Variants in GRIK1 observed in about 807,000 individuals in gnomAD.
The protein encoded by GRIK1 is glutamate receptor ionotropic, kainate 1.
Under a neutral mutation model 105.7 loss-of-function variants are expected in GRIK1, and 69 were observed. That is an observed-to-expected ratio of 0.65 (90% confidence interval 0.54 to 0.80). The LOEUF (loss-of-function observed/expected upper bound fraction) is 0.80, where lower values mean the gene tolerates loss of function less well. Ranked by LOEUF, GRIK1 falls within the 30% of genes least tolerant of loss-of-function variation. The pLI is 0.00. For synonymous variants in GRIK1, 438 were observed against 431.3 expected (o/e 1.02, Z -0.19); for missense variants, 1,109 against 1,167.3 (o/e 0.95, Z 0.73).
chr21:29,594,820 C>T lies in GRIK1; in HGVS notation c.1251+1706G>A, dbSNP rs566998835. Among the ~76,000 whole-genome samples, 17 of 152,166 alleles carry T rather than the reference C, an allele frequency of 1.1e-4. No individual in the cohort carries two copies. The South Asian group carries it at 1.5e-3, about 13-fold the overall frequency. On this transcript the variant is annotated intron_variant, in intron 9 of 17. Transcript: ENST00000327783. ...AAAGGTATATGTGTTTCCTGTATTA[C>T]GAACCTTATATAACAAATATTTTAG...
At chr21:29,605,979 C>T (rs2061605876) in intron 7 of GRIK1, among the ~76,000 whole-genome samples, 1 of 147,584 alleles carries the variant, frequency 6.8e-6, no homozygotes, top group African/African-American at 2.5e-5. Context: ...AGTGACTATT[C>T]TATTTTTTAA....
Position 29,651,194 on chromosome 21 carries a change from A to C in GRIK1, c.878T>G (p.Ile293Ser). The change falls in exon 6 of 18, where the codon ATC (isoleucine) becomes AGC (serine). Residue 293 changes from isoleucine to serine, a missense_variant. Physicochemically the swap from Ile to Ser is moderately radical, Grantham distance 142 (BLOSUM62 -2). This residue lies in a region of GRIK1 where 612 missense variants were observed against 586.0 expected (regional missense o/e 1.04). Coordinates refer to ENST00000327783, the MANE Select transcript of GRIK1 (RefSeq NM_001330994.2). ...TCTCTCCATGGACCACTTCTCAATG[A>C]TGGATGACACGTGAGGGTTGTCAAT... The part of the protein sequence containing the change: ...LNIDNPHVSS[I>S]IEKWSMERLQ... 1 of 1,613,880 alleles carries C rather than the reference A, an allele frequency of 6.2e-7. No homozygotes were observed. Among genetic ancestry groups the C allele is most frequent in the South Asian group, 1.1e-5 (1 of 91,082 alleles).
Position 29,733,058 on chromosome 21 carries a change from G to A in GRIK1, c.119-38995C>T, listed in dbSNP as rs191975776. On this transcript the variant is annotated intron_variant, in intron 1 of 17. Transcript: ENST00000327783. ...AATTTATGTTTTACTTCTACAGGCG[G>A]TTACATTTTGACTGAGGGAGATGCT... 4.6e-5 allele frequency among the ~76,000 whole-genome samples: 7 copies of A among 151,580 alleles called. No individual in the cohort carries two copies. In the East Asian group the frequency reaches 9.8e-4, roughly 21 times the overall value.
At chr21:29,759,409 C>T (rs1394813486) in intron 1 of GRIK1, among the ~76,000 whole-genome samples, 1 of 152,180 alleles carries the variant, frequency 6.6e-6, no homozygotes, top group African/African-American at 2.4e-5. Context: ...TGAGACACCA[C>T]GCCCTGCCCA....
chr21:29,781,159 C>G (rs1335733671), intron 1 of GRIK1, among the ~76,000 whole-genome samples: 2 of 152,138 alleles, frequency 1.3e-5, no homozygotes, highest in African/African-American at 4.8e-5. Flanking sequence ...TACACAAACC[C>G]TTTTCACAGA....
chr21:29,816,171 A>G (rs189781273), intron 1 of GRIK1, among the ~76,000 whole-genome samples: 4 of 152,176 alleles, frequency 2.6e-5, no homozygotes, highest in Non-Finnish European at 5.9e-5. Flanking sequence ...AGACAGACAA[A>G]CGGCCAACAG....
At chr21:29,564,713 A>G (rs1159805428) in intron 14 of GRIK1, among the ~76,000 whole-genome samples, 1 of 152,178 alleles carries the variant, frequency 6.6e-6, no homozygotes, top group Non-Finnish European at 1.5e-5. Context: ...CATGGGACGA[A>G]TATGTAGGTC....
chr21:29,694,057 A>G lies in GRIK1; in HGVS notation c.125T>C (p.Ile42Thr), dbSNP rs1173077179. 2 of 1,609,916 alleles carry G rather than the reference A, an allele frequency of 1.2e-6. No homozygotes were observed. Among genetic ancestry groups the G allele is most frequent in the Non-Finnish European group, 1.7e-6 (2 of 1,176,992 alleles). ...AGGCTCATTTTCCACTGTTTCAAAA[A>G]TCCCTCCTGCAGAAGCAAAAGAGAT... is the stretch of plus-strand genomic sequence containing the variant. ...TAPQVLRIGG[I>T]FETVENEPVN... is the part of the protein sequence containing the mutation. The change falls in exon 2 of 18, where the codon ATT becomes ACT. Residue 42 changes from isoleucine (I) to threonine (T), a missense_variant. Ile to Thr is a moderately conservative substitution (Grantham distance 89). Around this residue, in one of 5 missense-constraint regions of GRIK1, gnomAD observed 612 missense variants for 586.0 expected, o/e 1.04. Transcript: ENST00000327783.
intron 1 of GRIK1, among the ~76,000 whole-genome samples, chr21:29,707,642 T>C (rs1157578285): frequency 6.6e-6 from 1 of 151,862 alleles, no homozygotes; most frequent in Non-Finnish European, 1.5e-5. Flanking sequence ...CCTACAGGCG[T>C]TCGCCACCAC....
At chr21:29,726,284 G>A (rs1047785399) in intron 1 of GRIK1, among the ~76,000 whole-genome samples, 1 of 152,110 alleles carries the variant, frequency 6.6e-6, no homozygotes, top group African/African-American at 2.4e-5. Flanking sequence ...TATTTTTAGG[G>A]TTTTGTAAAA....
intron 1 of GRIK1, among the ~76,000 whole-genome samples, chr21:29,731,974 C>T (rs1213685760): frequency 6.6e-6 from 1 of 152,022 alleles, no homozygotes; most frequent in East Asian, 1.9e-4. Flanking sequence ...CAGATGTCTT[C>T]TCCTTCTTAG....
intron 1 of GRIK1, among the ~76,000 whole-genome samples, chr21:29,847,399 T>A (rs538219925): frequency 1.3e-5 from 2 of 152,220 alleles, no homozygotes; most frequent in South Asian, 4.1e-4. Context: ...TTCGAGACCA[T>A]CCTGGCCAAC....
intron 7 of GRIK1, among the ~76,000 whole-genome samples, chr21:29,603,111 G>C (rs1601238214): frequency 6.6e-6 from 1 of 152,160 alleles, no homozygotes; most frequent in South Asian, 2.1e-4. Flanking sequence ...TTCATAAAGA[G>C]TATGTTAAGA....
At chr21:29,799,784 C>G (rs910978110) in intron 1 of GRIK1, among the ~76,000 whole-genome samples, 7 of 152,132 alleles carry the variant, frequency 4.6e-5, no homozygotes, top group Admixed American at 3.9e-4. Flanking sequence ...CCTGCCTTAG[C>G]CTCCCTCCCA....
At chr21:29,803,802 A>G (rs781063141) in intron 1 of GRIK1, among the ~76,000 whole-genome samples, 1 of 151,960 alleles carries the variant, frequency 6.6e-6, no homozygotes, top group Non-Finnish European at 1.5e-5. Flanking sequence ...TCCTTCCTCC[A>G]TTGCTTTATC....
intron 1 of GRIK1, among the ~76,000 whole-genome samples, chr21:29,852,438 T>A (rs2068337868): frequency 6.6e-6 from 1 of 152,214 alleles, no homozygotes; most frequent in Non-Finnish European, 1.5e-5. Flanking sequence ...CAGACTTCCT[T>A]CATCCTGCAA....
intron 7 of GRIK1, among the ~76,000 whole-genome samples, chr21:29,633,593 AAACT>A (rs1301181433): frequency 1.3e-5 from 2 of 152,196 alleles, no homozygotes; most frequent in Admixed American, 6.5e-5. Context: ...TAATGCAAAC[AAACT>A]AAGATGTTTA....
intron 1 of GRIK1, among the ~76,000 whole-genome samples, chr21:29,754,808 C>T (rs555071754): frequency 6.6e-6 from 1 of 152,306 alleles, no homozygotes; most frequent in South Asian, 2.1e-4. Flanking sequence ...ACCTGGGGGA[C>T]AGGAAATTCT....
At chr21:29,869,053 C>T (rs904539391) in intron 1 of GRIK1, among the ~76,000 whole-genome samples, 1 of 152,204 alleles carries the variant, frequency 6.6e-6, no homozygotes, top group South Asian at 2.1e-4. Flanking sequence ...CAAGATCCCC[C>T]AGAAATCACC....
Sources: gnomAD v4.1 joint callset for allele counts (sites outside exome capture counted in the v4.1 genomes callset) on GRCh38, gnomAD v4.1.1 for gene constraint, gnomAD v4.1.1 regional missense constraint, MANE v1.5 for transcripts, NCBI Gene and HGNC (gene_info 2026-07-23, HGNC 2026-07-21) for gene names.